The following SNTG1 variants were observed in gnomAD, a reference collection of about 807,000 sequenced individuals.
The protein encoded by SNTG1 is gamma-1-syntrophin.
A neutral mutation model predicts 74.7 loss-of-function variants in SNTG1; 39 were observed. The observed-to-expected ratio is 0.52, with a 90% CI of 0.40 to 0.68. The LOEUF is 0.68. Ranked by LOEUF, SNTG1 falls within the 30% of genes least tolerant of loss-of-function variation. SNTG1 has a pLI of 0.00. For synonymous variants in SNTG1, 254 were observed against 217.1 expected, an observed-to-expected ratio of 1.17 and a Z score of -1.49; for missense variants, 685 against 609.5, an observed-to-expected ratio of 1.12 and a Z score of -1.30.
At chr8:50,747,847 A>G (rs992863871) in intron 17 of SNTG1, 3 of 151,846 alleles carry the variant, frequency 2.0e-5, no homozygotes, top group Non-Finnish European at 2.9e-5. Context: ...TGATTCTCCC[A>G]TCTCAATCTC....
chr8:50,783,087 G>A (rs191487711), intron 18 of SNTG1, among the ~76,000 whole-genome samples: 1 of 152,244 alleles, frequency 6.6e-6, no homozygotes, highest in Non-Finnish European at 1.5e-5. Context: ...GGAGTACCCG[G>A]CCGTGTGAGG....
chr8:50,240,221 T>C (rs2086105893), intron 2 of SNTG1, among the ~76,000 whole-genome samples: 2 of 152,176 alleles, frequency 1.3e-5, no homozygotes, highest in South Asian at 4.1e-4. Flanking sequence ...CCATTTTTGC[T>C]CCTGAAATGC....
intron 13 of SNTG1, among the ~76,000 whole-genome samples, chr8:50,651,532 A>C (rs948629828): frequency 1.3e-5 from 2 of 151,920 alleles, no homozygotes; most frequent in Non-Finnish European, 2.9e-5. Flanking sequence ...ATCTTGGCTC[A>C]CTGCAACCTC....
chr8:50,608,647 A>G (rs2094829747), intron 13 of SNTG1, among the ~76,000 whole-genome samples: 1 of 151,874 alleles, frequency 6.6e-6, no homozygotes. Context: ...GTGTTTTTTT[A>G]AATTCAGACT....
At chr8:50,482,005 C>A (rs2093744971) in intron 8 of SNTG1, among the ~76,000 whole-genome samples, 1 of 152,152 alleles carries the variant, frequency 6.6e-6, no homozygotes, top group Admixed American at 6.5e-5. Flanking sequence ...ATTCAGTCCC[C>A]GGTTTATGAA....
intron 12 of SNTG1, among the ~76,000 whole-genome samples, chr8:50,582,256 C>T (rs996166): frequency 1.3e-5 from 2 of 152,014 alleles, no homozygotes; most frequent in African/African-American, 4.8e-5. Flanking sequence ...GAGCTATTCT[C>T]TGTCTTCATT....
chr8:50,508,767 GT>G, intron 9 of SNTG1, among the ~76,000 whole-genome samples: 1 of 152,212 alleles, frequency 6.6e-6, no homozygotes, highest in East Asian at 1.9e-4. Flanking sequence ...TGATGGGATT[GT>G]TTGTTTTTTT....
chr8:50,191,847 T>C (rs2083590718), intron 2 of SNTG1, among the ~76,000 whole-genome samples: 1 of 152,100 alleles, frequency 6.6e-6, no homozygotes, highest in Admixed American at 6.6e-5. Flanking sequence ...GTCCTCTCAG[T>C]ATATTGTCTC....
chr8:50,261,090 C>T (rs1387006387), intron 2 of SNTG1, among the ~76,000 whole-genome samples: 1 of 152,124 alleles, frequency 6.6e-6, no homozygotes, highest in African/African-American at 2.4e-5. Context: ...AAAAGAACTA[C>T]ATCTAAGCAT....
intron 1 of SNTG1, among the ~76,000 whole-genome samples, chr8:50,152,110 T>A (rs181094870): frequency 9.3e-4 from 142 of 152,330 alleles, no homozygotes; most frequent in African/African-American, 3.2e-3. Context: ...TGGGTGCATA[T>A]ATATTTAAGA....
intron 1 of SNTG1, among the ~76,000 whole-genome samples, chr8:50,010,904 T>A (rs1264956449): frequency 6.6e-6 from 1 of 151,824 alleles, no homozygotes; most frequent in Non-Finnish European, 1.5e-5. Flanking sequence ...TTCTCTATAT[T>A]TTACGTCTTC....
intron 13 of SNTG1, among the ~76,000 whole-genome samples, chr8:50,603,676 C>T (rs544803388): frequency 9.9e-5 from 15 of 152,186 alleles, no homozygotes; most frequent in African/African-American, 2.4e-4. Flanking sequence ...TCCAGCTATT[C>T]GATGCAACTT....
chr8:50,691,987 A>G (rs2095382243), intron 15 of SNTG1, among the ~76,000 whole-genome samples: 1 of 151,708 alleles, frequency 6.6e-6, no homozygotes, highest in South Asian at 2.1e-4. Context: ...TTCTCACTTC[A>G]TTTCATTCAT....
rs4598255 is a variant in SNTG1, at chr8:50,487,463, A to G, written c.364-15315A>G. 5.3e-3 allele frequency among the ~76,000 whole-genome samples: 812 copies of G among 152,332 alleles called. 24 individuals carry two copies. Among genetic ancestry groups the G allele is most frequent in the Admixed American group, 0.049 (748 of 15,290 alleles). On this transcript the variant is annotated intron_variant, in intron 8 of 18. Coordinates refer to ENST00000642720, the MANE Select transcript of SNTG1 (RefSeq NM_018967.5). ...CAAATGTCCAACAATGATAGACTGG[A>G]TTAAGAAAATGTGGCACATTTACAC...
chr8:49,980,446 C>G (rs543999261), intron 1 of SNTG1, among the ~76,000 whole-genome samples: 1 of 146,622 alleles, frequency 6.8e-6, no homozygotes, highest in Middle Eastern at 3.4e-3. Context: ...TCTGCCTGCA[C>G]GAGTTCCTCC....
rs1029270345 is a variant in SNTG1, at chr8:50,124,713, A to G, written c.-102-47848A>G. Among the ~76,000 whole-genome samples the G allele has an allele frequency of 4.3e-5, 6 of 140,966 alleles. 2 individuals carry two copies. The highest frequency in any genetic ancestry group is 1.0e-4 in the African/African-American group (4 of 39,158). The allele number at this position is 140,966 out of a possible 152,430, so 92.5% of individuals were successfully genotyped here. A position where few individuals can be genotyped will look rare whatever the true frequency, so the allele number is the denominator to read the frequency against. On this transcript the variant is annotated intron_variant, in intron 1 of 18. Coordinates refer to ENST00000642720, the MANE Select transcript of SNTG1 (RefSeq NM_018967.5). The stretch of plus-strand genomic sequence containing the variant: ...CCTGTTCCCATGCCAAATTACCTCC[A>G]AGGGCTTTCCCTGCTTCTGCTTGTG...
intron 4 of SNTG1, among the ~76,000 whole-genome samples, chr8:50,434,351 C>T (rs1220800740): frequency 6.6e-6 from 1 of 152,114 alleles, no homozygotes; most frequent in African/African-American, 2.4e-5. Flanking sequence ...AATAAATATA[C>T]GTGTGCATGT....
chr8:50,197,361 G>C (rs901094572), intron 2 of SNTG1, among the ~76,000 whole-genome samples: 1 of 152,056 alleles, frequency 6.6e-6, no homozygotes, highest in Non-Finnish European at 1.5e-5. Context: ...TTTTAGGATT[G>C]CATAGTTTAT....
chr8:50,006,540 A>AT (rs1384145994), intron 1 of SNTG1, among the ~76,000 whole-genome samples: 8 of 152,108 alleles, frequency 5.3e-5, no homozygotes, highest in African/African-American at 1.2e-4. Context: ...ACTATTTAAG[A>AT]TTTTTTTTAA....
Sources: allele counts gnomAD v4.1 joint callset (sites outside exome capture counted in the v4.1 genomes callset), GRCh38; gene constraint gnomAD v4.1.1; transcripts MANE v1.5; gene names NCBI Gene and HGNC (gene_info 2026-07-23, HGNC 2026-07-21).